FAP: variants seen among roughly 807,000 people sequenced by gnomAD.
FAP encodes the protein prolyl endopeptidase FAP.
In FAP, 110 loss-of-function variants were observed where a neutral mutation model predicts 126.5. That is an observed-to-expected ratio of 0.87 (90% CI 0.74 to 1.02). The LOEUF (loss-of-function observed/expected upper bound fraction) is 1.02. Ranked by LOEUF, FAP falls within the 50% of genes least tolerant of loss-of-function variation. FAP has a pLI of 0.00. For missense variants in FAP, 919 were observed against 909.2 expected (o/e 1.01, Z -0.14); for synonymous variants, 334 against 297.3 (o/e 1.12, Z -1.27).
intron 11 of FAP, among the ~76,000 whole-genome samples, chr2:162,211,410 T>G (rs1168180893): frequency 6.6e-6 from 1 of 152,366 alleles, no homozygotes; most frequent in South Asian, 2.1e-4. Context: ...GAGGTTTTTA[T>G]GTTGTTGTTA....
intron 20 of FAP, among the ~76,000 whole-genome samples, chr2:162,186,176 A>G (rs761036388): frequency 6.6e-6 from 1 of 152,144 alleles, no homozygotes; most frequent in Non-Finnish European, 1.5e-5. Context: ...ACAATTTTAT[A>G]CAGAGTGTAC....
At chr2:162,240,218 A>C (rs1252275538) in intron 2 of FAP, among the ~76,000 whole-genome samples, 2 of 152,304 alleles carry the variant, frequency 1.3e-5, no homozygotes, top group South Asian at 4.1e-4. Context: ...CTTTGGCAAA[A>C]CTAAAAAGGG....
chr2:162,231,700 A>G lies in FAP; in HGVS notation c.92-5079T>C, dbSNP rs576433578. Reference sequence around the variant, plus strand: ...ATTCACAAGCAAGTAATGATTTACTATTCTCTTAATTCTTTCTTAAAACGT... The same window carrying G: ...ATTCACAAGCAAGTAATGATTTACTGTTCTCTTAATTCTTTCTTAAAACGT... On this transcript the variant is annotated intron_variant, in intron 2 of 25. Transcript: ENST00000188790. Among the ~76,000 whole-genome samples, 15 of 152,332 alleles carry G rather than the reference A, an allele frequency of 9.8e-5. No individual in the cohort carries two copies. The East Asian group carries it at 1.9e-3, about 20-fold the overall frequency.
rs1432998524 is a variant in FAP, at chr2:162,226,597, A to G, written c.116T>C (p.Met39Thr). Residue 39 changes from methionine to threonine, a missense_variant, in exon 3 of 26, where the codon ATG becomes ACG. Met to Thr is a moderately conservative substitution (Grantham distance 81). Coordinates refer to ENST00000188790, the MANE Select transcript of FAP (RefSeq NM_004460.5). The stretch of plus-strand genomic sequence containing the variant: ...AATATCCTTCAGTGTGAGTGCTCTC[A>G]TTGTATTTTCTTCAGAGTTATGAAC... ...SRVHNSEENT[M>T]RALTLKDILN... 1.9e-6 allele frequency: 3 copies of G among 1,591,106 alleles called. No homozygotes were observed. Among genetic ancestry groups the G allele is most frequent in the South Asian group, 1.2e-5 (1 of 86,050 alleles).
At chr2:162,186,970 G>A (rs1687884627) in intron 20 of FAP, among the ~76,000 whole-genome samples, 1 of 152,020 alleles carries the variant, frequency 6.6e-6, no homozygotes. Context: ...TCCAGAAATT[G>A]AGTGATAGCT....
rs1559775972 is a variant in FAP at position 162,203,159 on chromosome 2, GC to G, written c.1048-15del. Reference sequence around the variant, plus strand: ...TGAAACAAAGAACTGAAAAAAATTAGCAGAGGTTATGTTCAAAAGACAAACC... The same window carrying G: ...TGAAACAAAGAACTGAAAAAAATTAGAGAGGTTATGTTCAAAAGACAAACC... On this transcript the variant is annotated splice_polypyrimidine_tract_variant and intron_variant, in intron 12 of 25. Coordinates refer to ENST00000188790, the MANE Select transcript of FAP (RefSeq NM_004460.5). 4 of 1,568,928 alleles carry G rather than the reference GC, an allele frequency of 2.5e-6. No individual in the cohort carries two copies. In the Admixed American group the frequency reaches 6.7e-5, roughly 26 times the overall value.
intron 2 of FAP, among the ~76,000 whole-genome samples, chr2:162,230,668 T>C (rs1025620568): frequency 3.9e-5 from 6 of 152,094 alleles, no homozygotes; most frequent in South Asian, 2.1e-4. Flanking sequence ...CATTTAAATA[T>C]TTATAAAAAT....
intron 2 of FAP, among the ~76,000 whole-genome samples, chr2:162,232,593 A>G (rs1689943054): frequency 6.6e-6 from 1 of 152,224 alleles, no homozygotes; most frequent in East Asian, 1.9e-4. Flanking sequence ...AAAACTACTT[A>G]CTGCTACTAT....
intron 21 of FAP, among the ~76,000 whole-genome samples, chr2:162,180,932 T>TA (rs1158835820): frequency 6.6e-6 from 1 of 152,006 alleles, no homozygotes; most frequent in Non-Finnish European, 1.5e-5. Flanking sequence ...AAAGGAAGAC[T>TA]AATGAGGGTC....
At chr2:162,212,027 T>TCAAATAACC (rs1470134954) in intron 11 of FAP, among the ~76,000 whole-genome samples, 2 of 152,208 alleles carry the variant, frequency 1.3e-5, no homozygotes, top group Non-Finnish European at 2.9e-5. Flanking sequence ...AACAGAGGTG[T>TCAAATAACC]TTAGAAATTC....
chr2:162,189,180 G>T lies in FAP; in HGVS notation c.1550-8C>A. ...TCATCTTGTACCATAAAGCTTTGAG[G>T]AAAAAAAAAGGAGAAAAATCTTCAT... On this transcript the variant is annotated splice_region_variant and splice_polypyrimidine_tract_variant and intron_variant, in intron 18 of 25. Coordinates refer to ENST00000188790, the MANE Select transcript of FAP (RefSeq NM_004460.5). 6.5e-7 allele frequency: 1 copy of T among 1,536,812 alleles called. No homozygotes were observed. Among genetic ancestry groups the T allele is most frequent in the South Asian group, 1.2e-5 (1 of 81,322 alleles).
At chr2:162,198,558 T>C (rs77577375) in intron 16 of FAP, 199 bp downstream of exon 16, 1 of 776,224 alleles carries the variant, frequency 1.3e-6, no homozygotes, top group African/African-American at 1.9e-5. Context: ...TTCCCCAAAC[T>C]CTGTTTCCTC....
intron 14 of FAP, among the ~76,000 whole-genome samples, chr2:162,201,446 C>T (rs1252548571): frequency 6.6e-6 from 1 of 152,154 alleles, no homozygotes; most frequent in Non-Finnish European, 1.5e-5. Context: ...ATCTTTATAA[C>T]TTTGCATGAC....
At chr2:162,238,779 A>C (rs1317774293) in intron 2 of FAP, among the ~76,000 whole-genome samples, 1 of 152,160 alleles carries the variant, frequency 6.6e-6, no homozygotes, top group Non-Finnish European at 1.5e-5. Context: ...CGTATATCTT[A>C]TTTTACCAAA....
intron 14 of FAP, among the ~76,000 whole-genome samples, chr2:162,202,362 C>T (rs1381369201): frequency 6.6e-6 from 1 of 152,174 alleles, no homozygotes; most frequent in Non-Finnish European, 1.5e-5. Flanking sequence ...GGCCTTTGGC[C>T]AAGTTAATTA....
chr2:162,179,953 C>T (rs1245444839), intron 21 of FAP, among the ~76,000 whole-genome samples: 3 of 151,836 alleles, frequency 2.0e-5, no homozygotes, highest in Non-Finnish European at 4.4e-5. Flanking sequence ...GGATTACAGG[C>T]ACATGCCACC....
intron 17 of FAP, chr2:162,193,883 G>A (rs1375214525): frequency 6.6e-6 from 1 of 152,076 alleles, no homozygotes; most frequent in Non-Finnish European, 1.5e-5. Flanking sequence ...GACAATCGCA[G>A]GCATGAGTGC....
chr2:162,219,326 CA>C (rs1198717578), intron 7 of FAP, 143 bp from the exon 8 acceptor site: 18 of 671,082 alleles, frequency 2.7e-5, no homozygotes, highest in South Asian at 5.0e-5. Context: ...TTTAATAGGT[CA>C]AAAAATCCAA....
chr2:162,183,070 A>C (rs1289929201), intron 21 of FAP, among the ~76,000 whole-genome samples: 1 of 152,194 alleles, frequency 6.6e-6, no homozygotes, highest in Non-Finnish European at 1.5e-5. Context: ...ATAAAATAGA[A>C]ATATAAAATA....
Sources: allele counts gnomAD v4.1 joint callset (sites outside exome capture counted in the v4.1 genomes callset), GRCh38; gene constraint gnomAD v4.1.1; transcripts MANE v1.5; gene names NCBI Gene and HGNC (gene_info 2026-07-23, HGNC 2026-07-21).